Variants in UNC13B observed in about 807,000 individuals in gnomAD.
UNC13B encodes the protein protein unc-13 homolog B.
In UNC13B, 144 loss-of-function variants were observed where a neutral mutation model predicts 211.0. That is an observed-to-expected ratio of 0.68 (90% CI 0.60 to 0.78). The LOEUF (loss-of-function observed/expected upper bound fraction) is 0.78. Ranked by LOEUF, UNC13B falls within the 30% of genes least tolerant of loss-of-function variation. UNC13B has a pLI of 0.00. For missense variants in UNC13B, 1,777 were observed against 2,002.0 expected, an observed-to-expected ratio of 0.89 and a Z score of 2.14; for synonymous variants, 709 against 725.8, an observed-to-expected ratio of 0.98 and a Z score of 0.37.
At chr9:35,349,584 G>A (rs1238916597) in intron 11 of UNC13B, among the ~76,000 whole-genome samples, 1 of 152,172 alleles carries the variant, frequency 6.6e-6, no homozygotes, top group African/African-American at 2.4e-5. Flanking sequence ...TTGAGGTGAA[G>A]CAGTAATGCC....
intron 4 of UNC13B, among the ~76,000 whole-genome samples, chr9:35,237,451 A>G (rs1273293040): frequency 2.0e-5 from 3 of 152,162 alleles, no homozygotes; most frequent in South Asian, 2.1e-4. Context: ...GTTTTAGAGT[A>G]TGGTACTCCA....
intron 11 of UNC13B, among the ~76,000 whole-genome samples, chr9:35,325,266 AG>A: frequency 6.6e-6 from 1 of 152,314 alleles, no homozygotes; most frequent in South Asian, 2.1e-4. Flanking sequence ...AAGAGGAATG[AG>A]GGGGGTTTTC....
intron 29 of UNC13B, 124 bp from the exon 30 acceptor site, chr9:35,397,511 T>C (rs1835964113): frequency 7.7e-7 from 1 of 1,299,064 alleles, no homozygotes; most frequent in South Asian, 1.4e-5. Flanking sequence ...TCTCCTGTAC[T>C]GTGGGATTCC....
At chr9:35,399,579 G>C in intron 35 of UNC13B, 70 bp from the exon 36 acceptor site, 1 of 1,600,102 alleles carries the variant, frequency 6.2e-7, no homozygotes, top group East Asian at 2.2e-5. Context: ...TGCACTGGGG[G>C]CTGGCAGGTG....
intron 11 of UNC13B, among the ~76,000 whole-genome samples, chr9:35,333,090 AC>A (rs1831460914): frequency 6.6e-6 from 1 of 151,844 alleles, no homozygotes; most frequent in South Asian, 2.1e-4. Context: ...GTAAAAGTAC[AC>A]TTTTGACTTG....
chr9:35,364,426 A>C, intron 11 of UNC13B: 130 of 1,029,034 alleles, frequency 1.3e-4, no homozygotes, highest in Non-Finnish European at 1.7e-4. Context: ...TGTCCCGAGG[A>C]CCTCTCCCTC....
chr9:35,328,908 C>A (rs942046543), intron 11 of UNC13B, among the ~76,000 whole-genome samples: 4 of 151,822 alleles, frequency 2.6e-5, no homozygotes, highest in African/African-American at 9.7e-5. Context: ...GCTGGGACTA[C>A]AGGCGCCTGC....
At chr9:35,270,846 A>G (rs1338465098) in intron 7 of UNC13B, among the ~76,000 whole-genome samples, 1 of 152,030 alleles carries the variant, frequency 6.6e-6, no homozygotes, top group African/African-American at 2.4e-5. Flanking sequence ...CCATTTGTTA[A>G]AAAGGCATTT....
intron 1 of UNC13B, among the ~76,000 whole-genome samples, chr9:35,176,891 A>G (rs1192499413): frequency 2.6e-5 from 4 of 152,204 alleles, no homozygotes; most frequent in Non-Finnish European, 4.4e-5. Context: ...AAGGAGAAGA[A>G]TATTCTAGGC....
chr9:35,256,150 A>G (rs1034980659), intron 6 of UNC13B, among the ~76,000 whole-genome samples: 4 of 152,120 alleles, frequency 2.6e-5, no homozygotes, highest in Non-Finnish European at 5.9e-5. Context: ...AGTATTTTTT[A>G]TTTATTTTAT....
At position 35,302,414 on chromosome 9, in the gene UNC13B, AT is replaced by A; in HGVS notation, c.3011del (p.Ile1004LysfsTer13). 1 of 398,700 alleles carries A rather than the reference AT, an allele frequency of 2.5e-6. No homozygotes were observed. The highest frequency in any genetic ancestry group is 4.4e-6 in the Non-Finnish European group (1 of 225,800). 24.7% of individuals were successfully genotyped at this position (398,700 alleles called of 1,614,324 possible). ...NCPEDAKLSS[I>X]KSGSAPNTQD... ...TCCTGAAGATGCCAAACTTAGTTCAATAAAATCTGGTTCAGCTCCAAATACT... is the reference window on the plus strand; with the variant it reads ...TCCTGAAGATGCCAAACTTAGTTCAAAAAATCTGGTTCAGCTCCAAATACT... On this transcript the variant is annotated frameshift_variant, in exon 9 of 40. Coordinates refer to ENST00000635942, the MANE Select transcript of UNC13B (RefSeq NM_001371189.2). LOFTEE classifies it high-confidence loss of function.
At chr9:35,188,195 C>T (rs548133910) in intron 1 of UNC13B, among the ~76,000 whole-genome samples, 20 of 152,010 alleles carry the variant, frequency 1.3e-4, no homozygotes, top group African/African-American at 4.6e-4. Flanking sequence ...TTCTTTATTC[C>T]GTGTTACAAT....
intron 11 of UNC13B, chr9:35,361,351 A>T (rs938703981): frequency 6.6e-6 from 1 of 152,170 alleles, no homozygotes; most frequent in Non-Finnish European, 1.5e-5. Flanking sequence ...TTTGATTCTT[A>T]AGAAAAAAAG....
intron 13 of UNC13B, 42 bp downstream of exon 13, chr9:35,370,438 G>T (rs762052170): frequency 6.3e-7 from 1 of 1,592,644 alleles, no homozygotes; most frequent in East Asian, 2.2e-5. Context: ...GTAGCCTTGG[G>T]GTATCCCCCA....
intron 11 of UNC13B, among the ~76,000 whole-genome samples, chr9:35,325,130 A>G (rs970296473): frequency 3.3e-5 from 5 of 152,220 alleles, no homozygotes; most frequent in Non-Finnish European, 7.3e-5. Context: ...CCTCAGAGGG[A>G]GAGAAGGATG....
intron 11 of UNC13B, among the ~76,000 whole-genome samples, chr9:35,319,266 G>T (rs1049594351): frequency 6.6e-6 from 1 of 151,722 alleles, no homozygotes; most frequent in Non-Finnish European, 1.5e-5. Context: ...AGCCGGGTGT[G>T]GTGGTGCATA....
intron 3 of UNC13B, among the ~76,000 whole-genome samples, chr9:35,234,885 A>T (rs1486928174): frequency 2.6e-5 from 4 of 152,184 alleles, no homozygotes; most frequent in Non-Finnish European, 5.9e-5. Flanking sequence ...CACAACAGGG[A>T]ACCCAAGCTT....
At chr9:35,245,456 G>A (rs531260508) in intron 6 of UNC13B, among the ~76,000 whole-genome samples, 84 of 150,048 alleles carry the variant, frequency 5.6e-4, no homozygotes, top group African/African-American at 1.8e-3. Context: ...CCATTAACTC[G>A]TCATTTACAT....
chr9:35,241,713 C>T (rs938363981), intron 5 of UNC13B, among the ~76,000 whole-genome samples: 2 of 152,170 alleles, frequency 1.3e-5, no homozygotes, highest in African/African-American at 4.8e-5. Context: ...TATAGACCTG[C>T]AGCAGCAGCA....
Sources: gnomAD v4.1 joint callset for allele counts (sites outside exome capture counted in the v4.1 genomes callset) on GRCh38, gnomAD v4.1.1 for gene constraint, MANE v1.5 for transcripts, NCBI Gene and HGNC (gene_info 2026-07-23, HGNC 2026-07-21) for gene names.